Variants in NFYC observed in about 807,000 individuals in gnomAD.
The protein encoded by NFYC is nuclear transcription factor Y subunit gamma.
NFYC carries 25 observed loss-of-function variants against 53.1 expected under a neutral mutation model. That is an observed-to-expected ratio of 0.47 (90% CI 0.34 to 0.66). The LOEUF (loss-of-function observed/expected upper bound fraction) is 0.66. Among genes scored for constraint, NFYC ranks in the 30% least tolerant of loss-of-function variants. The pLI, the probability that NFYC is intolerant of heterozygous loss-of-function variation, is 0.01. For synonymous variants in NFYC, 145 were observed against 152.6 expected (o/e 0.95, Z 0.37); for missense variants, 260 against 422.7 (o/e 0.62, Z 3.38).
At chr1:40,759,570 T>TGG in intron 6 of NFYC, among the ~76,000 whole-genome samples, 1 of 150,452 alleles carries the variant, frequency 6.6e-6, no homozygotes, top group Admixed American at 6.6e-5. Context: ...TGTGTGTGTG[T>TGG]GTGTGTATGT....
chr1:40,707,774 G>C (rs1643776544), intron 1 of NFYC, among the ~76,000 whole-genome samples: 1 of 151,402 alleles, frequency 6.6e-6, no homozygotes, highest in Admixed American at 6.6e-5. Context: ...AGGAGGCGGA[G>C]GCTGCAGTAA....
At chr1:40,702,341 CTT>C (rs11307589) in intron 1 of NFYC, among the ~76,000 whole-genome samples, 10,851 of 118,836 alleles carry the variant, frequency 0.091, 696 homozygotes, top group African/African-American at 0.21. Flanking sequence ...ATCTTCAGAA[CTT>C]TTTTTTTTTT....
chr1:40,758,315 G>A lies in NFYC; in HGVS notation c.561+21G>A, dbSNP rs148851162. ...GCCAGGTCTGTGAGCTGCTGAGGATGCCCATCCAGCAAGACAGTGCCCCTT... is the reference window on the plus strand; with the variant it reads ...GCCAGGTCTGTGAGCTGCTGAGGATACCCATCCAGCAAGACAGTGCCCCTT... On this transcript the variant is annotated intron_variant, in intron 6 of 9. Coordinates refer to ENST00000447388, the MANE Select transcript of NFYC (RefSeq NM_014223.5). The A allele has an allele frequency of 5.7e-6, 9 of 1,589,760 alleles. No homozygotes were observed. The African/African-American group carries it at 1.1e-4, about 19-fold the overall frequency.
At chr1:40,716,062 G>A (rs945855759) in intron 1 of NFYC, among the ~76,000 whole-genome samples, 2 of 152,132 alleles carry the variant, frequency 1.3e-5, no homozygotes, top group Non-Finnish European at 2.9e-5. Flanking sequence ...GTCTACCTAA[G>A]CTATATAGTT....
intron 1 of NFYC, among the ~76,000 whole-genome samples, chr1:40,723,456 C>A (rs952579697): frequency 1.3e-5 from 2 of 152,094 alleles, no homozygotes; most frequent in Non-Finnish European, 2.9e-5. Flanking sequence ...CTAACAGATA[C>A]TTCTGTGGGG....
intron 2 of NFYC, among the ~76,000 whole-genome samples, chr1:40,740,125 C>A (rs139735438): frequency 1.7e-4 from 26 of 152,294 alleles, no homozygotes; most frequent in African/African-American, 6.0e-4. Context: ...ACTAAAGGAG[C>A]TCCCCATGTT....
chr1:40,728,308 T>G (rs1345806637), intron 1 of NFYC, among the ~76,000 whole-genome samples: 1 of 152,138 alleles, frequency 6.6e-6, no homozygotes, highest in Non-Finnish European at 1.5e-5. Flanking sequence ...GTTAAAATAC[T>G]AATCTCGGCT....
chr1:40,717,366 C>G (rs1438858926), intron 1 of NFYC, among the ~76,000 whole-genome samples: 1 of 152,080 alleles, frequency 6.6e-6, no homozygotes, highest in Non-Finnish European at 1.5e-5. Flanking sequence ...CAAAAAGTTA[C>G]TTGCTTGGTT....
intron 1 of NFYC, among the ~76,000 whole-genome samples, chr1:40,728,918 G>T: frequency 6.6e-6 from 1 of 152,192 alleles, no homozygotes; most frequent in East Asian, 1.9e-4. Context: ...GATTACAGGC[G>T]TGAGCCACTG....
rs994324894 is a variant in NFYC, at chr1:40,757,924, T to G, written c.388-197T>G. On this transcript the variant is annotated intron_variant, in intron 5 of 9. Transcript: ENST00000447388. ...AATTGGCTGTATGTTTTGTGAAGCC[T>G]ATAGGATCTGTTATTTTTAGTTTGA... 8 of 616,576 alleles carry G rather than the reference T, an allele frequency of 1.3e-5. No individual in the cohort carries two copies. In the South Asian group the frequency reaches 1.4e-4, roughly 11 times the overall value. The allele number at this position is 616,576 out of a possible 1,614,324, so 38.2% of individuals were successfully genotyped here.
intron 1 of NFYC, among the ~76,000 whole-genome samples, chr1:40,732,950 C>A (rs532159403): frequency 2.7e-5 from 4 of 150,928 alleles, no homozygotes; most frequent in Non-Finnish European, 5.9e-5. Flanking sequence ...CTTGTGTAAC[C>A]ATTTCCTTTG....
intron 1 of NFYC, among the ~76,000 whole-genome samples, chr1:40,700,481 A>G (rs1182159573): frequency 6.6e-6 from 1 of 152,096 alleles, no homozygotes; most frequent in Non-Finnish European, 1.5e-5. Context: ...AGCTGGGACT[A>G]CAGGGATGTA....
chr1:40,727,807 A>G (rs1037271026), intron 1 of NFYC, among the ~76,000 whole-genome samples: 2 of 152,170 alleles, frequency 1.3e-5, no homozygotes, highest in Admixed American at 1.3e-4. Flanking sequence ...CTAGGATTAC[A>G]GGCATGAGTC....
At chr1:40,740,278 C>G (rs1230309421) in intron 2 of NFYC, among the ~76,000 whole-genome samples, 1 of 152,160 alleles carries the variant, frequency 6.6e-6, no homozygotes, top group African/African-American at 2.4e-5. Flanking sequence ...TATTCATTCA[C>G]TCAACAAATA....
intron 7 of NFYC, chr1:40,766,083 G>T (rs1646798158): frequency 6.5e-6 from 1 of 153,776 alleles, no homozygotes; most frequent in South Asian, 2.0e-4. Flanking sequence ...GACAGAGATG[G>T]TTAAGCAGTC....
At position 40,763,013 on chromosome 1, in the gene NFYC, C is replaced by G. The variant is rs781635323; in HGVS notation, c.687C>G (p.Ile229Met). The G allele has an allele frequency of 6.2e-7, 1 of 1,610,094 alleles. No homozygotes were observed. Among genetic ancestry groups the G allele is most frequent in the Non-Finnish European group, 8.5e-7 (1 of 1,177,746 alleles). ...TGQTMQVMQQ[I>M]ITNTGEIQQI... Reference sequence around the variant, plus strand: ...AGACCATGCAGGTGATGCAGCAGATCATCACTAACACAGGAGAGATCCAGC... The same window carrying G: ...AGACCATGCAGGTGATGCAGCAGATGATCACTAACACAGGAGAGATCCAGC... The change falls in exon 7 of 10, where the codon ATC becomes ATG. Residue 229 changes from isoleucine (I) to methionine (M), a missense_variant. Physicochemically the swap from Ile to Met is conservative, Grantham distance 10. Coordinates refer to ENST00000447388, the MANE Select transcript of NFYC (RefSeq NM_014223.5).
intron 1 of NFYC, among the ~76,000 whole-genome samples, chr1:40,726,617 C>T (rs563431610): frequency 1.8e-4 from 28 of 151,994 alleles, no homozygotes; most frequent in African/African-American, 6.3e-4. Context: ...CTGTGTTGCC[C>T]AGACTGATCT....
At chr1:40,746,999 G>A (rs1645639826) in intron 2 of NFYC, among the ~76,000 whole-genome samples, 1 of 152,114 alleles carries the variant, frequency 6.6e-6, no homozygotes, top group African/African-American at 2.4e-5. Flanking sequence ...CTCCTCCCCA[G>A]TTTCTGTTGT....
chr1:40,711,860 T>C (rs1327246673), intron 1 of NFYC, among the ~76,000 whole-genome samples: 2 of 152,186 alleles, frequency 1.3e-5, no homozygotes, highest in African/African-American at 4.8e-5. Flanking sequence ...TCACAGTATT[T>C]GAGGCAGCAT....
Sources: allele counts gnomAD v4.1 joint callset (sites outside exome capture counted in the v4.1 genomes callset), GRCh38; gene constraint gnomAD v4.1.1; transcripts MANE v1.5; gene names NCBI Gene and HGNC (gene_info 2026-07-23, HGNC 2026-07-21).